PRKAG2: variants seen among roughly 807,000 people sequenced by gnomAD.
PRKAG2 encodes protein kinase AMP-activated non-catalytic subunit gamma 2, also known as 5'-AMP-activated protein kinase subunit gamma-2.
A neutral mutation model predicts 69.6 loss-of-function variants in PRKAG2; 26 were observed. The ratio of observed to expected loss-of-function variants is 0.37; its 90% CI spans 0.27 to 0.52. The LOEUF is 0.52. Among genes scored for constraint, PRKAG2 ranks in the 20% least tolerant of loss-of-function variants. The pLI, the probability that PRKAG2 is intolerant of heterozygous loss-of-function variation, is 0.90. For missense variants in PRKAG2, 557 were observed against 740.0 expected (o/e 0.75, Z 2.87); for synonymous variants, 293 against 285.0 (o/e 1.03, Z -0.28).
chr7:151,783,128 G>A (rs1342110278), intron 2 of PRKAG2, among the ~76,000 whole-genome samples: 6 of 152,180 alleles, frequency 3.9e-5, no homozygotes, highest in Non-Finnish European at 8.8e-5. Flanking sequence ...CCGAGCCCGC[G>A]GCCCCGGGAG....
rs541909871 is a variant in PRKAG2 at position 151,557,716 on chromosome 7, A to G, written c.1679-484T>C. 1.9e-5 allele frequency: 9 copies of G among 484,236 alleles called. No individual in the cohort carries two copies. In the African/African-American group the frequency reaches 1.9e-4, roughly 10 times the overall value. 30.0% of individuals were successfully genotyped at this position (484,236 alleles called of 1,614,324 possible). A position where few individuals can be genotyped will look rare whatever the true frequency, so the allele number is the denominator to read the frequency against. On this transcript the variant is annotated intron_variant, in intron 15 of 15. Coordinates refer to ENST00000287878, the MANE Select transcript of PRKAG2 (RefSeq NM_016203.4). ...GAAACCCTGTCTCTACTAAAAATAC[A>G]AAAATTAGCTGGGCGTAGTGGCGGG...
intron 5 of PRKAG2, among the ~76,000 whole-genome samples, chr7:151,619,836 C>A: frequency 6.6e-6 from 1 of 152,118 alleles, no homozygotes; most frequent in East Asian, 1.9e-4. Flanking sequence ...GCCTGGCCAA[C>A]ATGGCGAAAC....
chr7:151,572,439 C>T (rs528533774), intron 9 of PRKAG2: 5 of 375,354 alleles, frequency 1.3e-5, no homozygotes, highest in Non-Finnish European at 1.5e-5. Flanking sequence ...TAAGGCCTTG[C>T]CTGCTGAAGG....
intron 8 of PRKAG2, among the ~76,000 whole-genome samples, chr7:151,573,218 T>G (rs1808062554): frequency 6.6e-6 from 1 of 150,606 alleles, no homozygotes; most frequent in South Asian, 2.1e-4. Flanking sequence ...AGTGCACAAG[T>G]GCGATCATGA....
intron 3 of PRKAG2, among the ~76,000 whole-genome samples, chr7:151,707,801 C>A (rs1838879069): frequency 6.6e-6 from 1 of 152,194 alleles, no homozygotes; most frequent in Non-Finnish European, 1.5e-5. Flanking sequence ...CAGTAGGGGG[C>A]TCAGAATAGC....
rs1837261577 is a variant in PRKAG2 at position 151,699,284 on chromosome 7, CT to C, written c.467-23648del. ...AAGATCTCCCACGAAGGTTGCCTCCCTCCCTGCGGTCAGGCTGCCTGCAGGC... is the reference window on the plus strand; with the variant it reads ...AAGATCTCCCACGAAGGTTGCCTCCCCCCTGCGGTCAGGCTGCCTGCAGGC... On this transcript the variant is annotated intron_variant, in intron 3 of 15. Coordinates refer to ENST00000287878, the MANE Select transcript of PRKAG2 (RefSeq NM_016203.4). The surrounding 1 kb of genome is among the most constrained non-coding windows in gnomAD (Gnocchi z 4.5). Among the ~76,000 whole-genome samples the C allele has an allele frequency of 6.6e-6, 1 of 152,232 alleles. No individual in the cohort carries two copies. The highest frequency in any genetic ancestry group is 6.5e-5 in the Admixed American group (1 of 15,292).
At chr7:151,782,904 C>T (rs1375843926) in intron 2 of PRKAG2, among the ~76,000 whole-genome samples, 1 of 152,230 alleles carries the variant, frequency 6.6e-6, no homozygotes, top group Non-Finnish European at 1.5e-5. Context: ...GCAAGAAGGG[C>T]GAGTAACTCG....
intron 1 of PRKAG2, among the ~76,000 whole-genome samples, chr7:151,824,244 C>T (rs2078857419): frequency 6.6e-6 from 1 of 152,142 alleles, no homozygotes. Context: ...CTGGAAGCTT[C>T]GTAATTGGTT....
intron 1 of PRKAG2, among the ~76,000 whole-genome samples, chr7:151,827,071 TC>T (rs2078917844): frequency 6.6e-6 from 1 of 152,126 alleles, no homozygotes; most frequent in Non-Finnish European, 1.5e-5. Flanking sequence ...TATATTTGGG[TC>T]CAGACTTCCT....
At chr7:151,568,644 C>A (rs1806832832) in intron 11 of PRKAG2, 72 bp downstream of exon 11, 1 of 1,541,734 alleles carries the variant, frequency 6.5e-7, no homozygotes. Flanking sequence ...GTAACAGGAG[C>A]CAATTTACTT....
chr7:151,855,304 C>A (rs1338343754), intron 1 of PRKAG2, among the ~76,000 whole-genome samples: 1 of 22,116 alleles, frequency 4.5e-5, no homozygotes, highest in Non-Finnish European at 7.8e-5. Flanking sequence ...ACACCACCCT[C>A]CACACACACC....
chr7:151,847,089 G>A (rs771526325), intron 1 of PRKAG2, among the ~76,000 whole-genome samples: 54 of 152,230 alleles, frequency 3.5e-4, no homozygotes, highest in Non-Finnish European at 7.2e-4. Flanking sequence ...CATGCTTGAC[G>A]GGGGATGCCC....
intron 1 of PRKAG2, among the ~76,000 whole-genome samples, chr7:151,875,562 GGTGTGTGTGTGTGTGTGTGTGT>G (rs55660204): frequency 0.14 from 18,693 of 131,426 alleles, 1,342 homozygotes; most frequent in Middle Eastern, 0.27. Flanking sequence ...GGAGCACTCT[GGTGTGTGTGTGTGTGTGTGTGT>G]GTGTGTGTGT....
At position 151,556,384 on chromosome 7, in the gene PRKAG2, C is replaced by G. The variant is rs1457248233; in HGVS notation, c.*817G>C. On this transcript the variant is annotated 3_prime_UTR_variant, in exon 16 of 16. Transcript: ENST00000287878. ...ACAAGAAAAAAAATAGACATCTTCC[C>G]GGCACTTGGCTCCCGCCTGACGGCA... 1 of 152,592 alleles carries G rather than the reference C, an allele frequency of 6.6e-6. No homozygotes were observed. The highest frequency in any genetic ancestry group is 1.9e-4 in the East Asian group (1 of 5,202). 9.5% of individuals were successfully genotyped at this position (152,592 alleles called of 1,614,324 possible).
In PRKAG2 at chr7:151,632,308, C is replaced by T. The variant is rs1824789442; in HGVS notation, c.685-170G>A. The T allele has an allele frequency of 1.7e-5, 15 of 901,146 alleles. No individual in the cohort carries two copies. The highest frequency in any genetic ancestry group is 1.9e-5 in the Non-Finnish European group (14 of 755,594). The allele number at this position is 901,146 out of a possible 1,614,324, so 55.8% of individuals were successfully genotyped here. ...CCGGGGGCGGAGCGGGAGCGCTGCC[C>T]CCACCCGCCCGAGGCCGCCGCCGCC... On this transcript the variant is annotated intron_variant, in intron 4 of 15. Coordinates refer to ENST00000287878, the MANE Select transcript of PRKAG2 (RefSeq NM_016203.4). This position sits in a 1 kb window ranked among gnomAD's most constrained non-coding sequence, Gnocchi z 4.2.
chr7:151,679,882 T>C (rs1452123958), intron 3 of PRKAG2, among the ~76,000 whole-genome samples: 2 of 149,732 alleles, frequency 1.3e-5, no homozygotes, highest in Non-Finnish European at 3.0e-5. Flanking sequence ...TAGGGCAACA[T>C]GGCAAGACCC....
chr7:151,670,479 A>G (rs900659552), intron 4 of PRKAG2, among the ~76,000 whole-genome samples: 1 of 152,190 alleles, frequency 6.6e-6, no homozygotes, highest in African/African-American at 2.4e-5. Flanking sequence ...TCTAATTTCC[A>G]TAACCAGTTA....
At chr7:151,577,507 C>T (rs1158892373) in intron 6 of PRKAG2, among the ~76,000 whole-genome samples, 2 of 152,214 alleles carry the variant, frequency 1.3e-5, no homozygotes, top group African/African-American at 2.4e-5. Flanking sequence ...TTTAAAGTTG[C>T]AGCTCCTAAT....
At chr7:151,713,244 A>G (rs1316037718) in intron 3 of PRKAG2, among the ~76,000 whole-genome samples, 2 of 152,180 alleles carry the variant, frequency 1.3e-5, no homozygotes, top group African/African-American at 4.8e-5. Context: ...GCAGATCTAC[A>G]TCCCTCACAC....
Sources: gnomAD v4.1 joint callset for allele counts (sites outside exome capture counted in the v4.1 genomes callset) on GRCh38, gnomAD v4.1.1 for gene constraint, Gnocchi (gnomAD v3.1) non-coding constraint, MANE v1.5 for transcripts, NCBI Gene and HGNC (gene_info 2026-07-23, HGNC 2026-07-21) for gene names.